The following GCFC2 variants were observed in gnomAD, a reference collection of about 807,000 sequenced individuals.
GCFC2 encodes intron Large complex component GCFC2.
In GCFC2, 102 loss-of-function variants were observed where a neutral mutation model predicts 99.4. The ratio of observed to expected loss-of-function variants is 1.03; its 90% CI spans 0.87 to 1.21. The LOEUF is 1.21. GCFC2 is among the 50% of genes most tolerant of loss of function. The probability of loss-of-function intolerance (pLI) is 0.00; values close to 1 mark genes in which losing one functional copy is unlikely to be tolerated. For missense variants in GCFC2, 973 were observed against 920.9 expected (o/e 1.06, Z -0.73); for synonymous variants, 338 against 316.8 (o/e 1.07, Z -0.71).
chr2:75,680,198 T>G lies in GCFC2; in HGVS notation c.1807A>C (p.Arg603=). ...GCAACTCTAGAAATTATTACCTGTC[T>G]GCTTTTACTAACTTCATTTTCACAA... ...STCENEVSKS[R]QDLLKSIVSR... is the part of the protein sequence containing the mutation. The change falls in exon 12 of 17, where the codon AGA becomes CGA. Residue 603 remains arginine (R), a synonymous_variant. Transcript: ENST00000321027. 6.2e-7 allele frequency: 1 copy of G among 1,601,222 alleles called. No individual in the cohort carries two copies. Among genetic ancestry groups the G allele is most frequent in the Non-Finnish European group, 8.6e-7 (1 of 1,168,886 alleles).
At chr2:75,689,407 CAT>C (rs1679956754) in intron 9 of GCFC2, among the ~76,000 whole-genome samples, 182 bp from the exon 10 acceptor site, 1 of 152,022 alleles carries the variant, frequency 6.6e-6, no homozygotes, top group Admixed American at 6.6e-5. Flanking sequence ...TAGAAGTTAC[CAT>C]ATATACCCCT....
chr2:75,676,498 A>G (rs1245631339), intron 12 of GCFC2, among the ~76,000 whole-genome samples: 1 of 151,646 alleles, frequency 6.6e-6, no homozygotes, highest in Non-Finnish European at 1.5e-5. Context: ...TCTTTCCCAT[A>G]CTATCTTAAG....
chr2:75,673,071 G>C (rs947768437), intron 13 of GCFC2, among the ~76,000 whole-genome samples: 3 of 152,194 alleles, frequency 2.0e-5, no homozygotes, highest in African/African-American at 7.2e-5. Flanking sequence ...AGCACTTTGG[G>C]AGGCCAAGGC....
intron 4 of GCFC2, chr2:75,697,663 A>G (rs1661223626): frequency 6.6e-6 from 1 of 152,260 alleles, no homozygotes; most frequent in South Asian, 2.1e-4. Context: ...ACATGTTCAC[A>G]TTCATGTTCA....
intron 1 of GCFC2, among the ~76,000 whole-genome samples, chr2:75,709,345 T>C (rs6718825): frequency 6.6e-6 from 1 of 151,992 alleles, no homozygotes; most frequent in African/African-American, 2.4e-5. Flanking sequence ...AGAAAACAAA[T>C]ATAAAAGGTC....
At position 75,694,240 on chromosome 2, in the gene GCFC2, C is replaced by A; in HGVS notation, c.1020+1G>T. On this transcript the variant is annotated splice_donor_variant, in intron 6 of 16. Coordinates refer to ENST00000321027, the MANE Select transcript of GCFC2 (RefSeq NM_003203.5). LOFTEE classifies it high-confidence loss of function. ...TGATATAAATAAATATTGATATGTA[C>A]CTTTTCATTAAGGCAGTCAATTAAA... 2 of 803,956 alleles carry A rather than the reference C, an allele frequency of 2.5e-6. No homozygotes were observed. The highest frequency in any genetic ancestry group is 4.4e-5 in the Admixed American group (2 of 45,484). The allele number at this position is 803,956 out of a possible 1,614,324, so 49.8% of individuals were successfully genotyped here.
rs948091309 is a variant in GCFC2 at position 75,663,287 on chromosome 2, C to A, written c.*1379G>T. The A allele has an allele frequency of 2.0e-5, 3 of 152,110 alleles. No individual in the cohort carries two copies. The highest frequency in any genetic ancestry group is 4.4e-5 in the Non-Finnish European group (3 of 67,996). The allele number at this position is 152,110 out of a possible 1,614,324, so 9.4% of individuals were successfully genotyped here. Reference sequence around the variant, plus strand: ...TTTTTTCCAATTATCTTTTGAACAACAATTTGCAAAATATATTTACAGTTT... The same window carrying A: ...TTTTTTCCAATTATCTTTTGAACAAAAATTTGCAAAATATATTTACAGTTT... On this transcript the variant is annotated 3_prime_UTR_variant, in exon 17 of 17. Transcript: ENST00000321027.
rs777245822 is a variant in GCFC2 at position 75,710,674 on chromosome 2, A to C, written c.182T>G (p.Val61Gly). 2.1e-5 allele frequency: 32 copies of C among 1,522,674 alleles called. No homozygotes were observed. In the Admixed American group the frequency reaches 2.4e-4, roughly 11 times the overall value. The allele number at this position is 1,522,674 out of a possible 1,614,324, so 94.3% of individuals were successfully genotyped here. A position where few individuals can be genotyped will look rare whatever the true frequency, so the allele number is the denominator to read the frequency against. ...RAQVAGLPHRVRGPRGRGRVW... is the reference protein window; with the variant it reads ...RAQVAGLPHRGRGPRGRGRVW... ...CCGGCCCCGGCCACGAGGGCCCCGA[A>C]CCCGGTGGGGCAGTCCCGCCACCTG... is the stretch of plus-strand genomic sequence containing the variant. The change falls in exon 1 of 17, where the codon GTT becomes GGT. Residue 61 changes from valine to glycine, a missense_variant. Transcript: ENST00000321027.
chr2:75,691,015 A>G (rs749045655), intron 7 of GCFC2, among the ~76,000 whole-genome samples: 1 of 152,176 alleles, frequency 6.6e-6, no homozygotes, highest in Non-Finnish European at 1.5e-5. Flanking sequence ...ATTCTTTTCC[A>G]GTAGTTTCTA....
intron 6 of GCFC2, among the ~76,000 whole-genome samples, chr2:75,693,056 T>A (rs1199673646): frequency 6.6e-6 from 1 of 152,222 alleles, no homozygotes; most frequent in Non-Finnish European, 1.5e-5. Flanking sequence ...TAATAAATAC[T>A]TCAGAAAGTA....
chr2:75,702,235 G>A lies in GCFC2; in HGVS notation c.583C>T (p.Pro195Ser), dbSNP rs369145120. The A allele has an allele frequency of 1.6e-5, 26 of 1,605,706 alleles. No individual in the cohort carries two copies. Among genetic ancestry groups the A allele is most frequent in the Non-Finnish European group, 2.1e-5 (25 of 1,172,482 alleles). Residue 195 changes from proline to serine, a missense_variant, in exon 3 of 17, where the codon CCT (proline) becomes TCT (serine). By Grantham distance (74) the Pro-to-Ser change is moderately conservative. Transcript: ENST00000321027. ...GCCATCCTTTGTCTAAGTGTTTGAG[G>A]TCTTAGAGTAAATGGTATTCTCTTT... ...HEKRIPFTLR[P>S]QTLRQRMAEE... is the part of the protein sequence containing the mutation.
At position 75,664,203 on chromosome 2, in the gene GCFC2, G is replaced by A. The variant is rs190310296; in HGVS notation, c.*463C>T. 2 of 152,316 alleles carry A rather than the reference G, an allele frequency of 1.3e-5. No homozygotes were observed. Among genetic ancestry groups the A allele is most frequent in the African/African-American group, 4.8e-5 (2 of 41,576 alleles). The allele number at this position is 152,316 out of a possible 1,614,324, so 9.4% of individuals were successfully genotyped here. A position where few individuals can be genotyped will look rare whatever the true frequency, so the allele number is the denominator to read the frequency against. On this transcript the variant is annotated 3_prime_UTR_variant, in exon 17 of 17. Transcript: ENST00000321027. ...ATTTCTGAAGGATAATTTGACAATC[G>A]GCACATGCCTTAATCATTTAATACT...
chr2:75,702,168 T>G, intron 3 of GCFC2, 31 bp downstream of exon 3: 1 of 1,587,956 alleles, frequency 6.3e-7, no homozygotes, highest in Non-Finnish European at 8.6e-7. Flanking sequence ...ATAAAAAATA[T>G]CCTAATCTTC....
chr2:75,668,044 C>T (rs1423177147), intron 15 of GCFC2, among the ~76,000 whole-genome samples: 2 of 152,068 alleles, frequency 1.3e-5, no homozygotes, highest in African/African-American at 4.8e-5. Flanking sequence ...GTAAGTTAAA[C>T]ATTAAAGAGC....
chr2:75,670,175 G>T lies in GCFC2; in HGVS notation c.2066C>A (p.Ala689Asp), dbSNP rs1477093512. 22 of 1,607,986 alleles carry T rather than the reference G, an allele frequency of 1.4e-5. No homozygotes were observed. The highest frequency in any genetic ancestry group is 1.9e-5 in the Non-Finnish European group (22 of 1,174,610). Residue 689 changes from alanine to aspartate, a missense_variant, in exon 15 of 17, where the codon GCC (alanine) becomes GAC (aspartate). Transcript: ENST00000321027. ...NRYLIIALLN[A>D]TPGPDVVKKC... ...TTTAACCACATCTGGCCCAGGTGTG[G>T]CATTGAGAAGTGCTATAATAAGGTA...
At chr2:75,711,552 T>A (rs1681184111), upstream of GCFC2, among the ~76,000 whole-genome samples, 1 of 152,248 alleles carries the variant, frequency 6.6e-6, no homozygotes, top group Non-Finnish European at 1.5e-5. Context: ...TACTATATAA[T>A]GTTGAGCTAC....
At chr2:75,683,514 C>T (rs919987994) in intron 11 of GCFC2, among the ~76,000 whole-genome samples, 3 of 149,366 alleles carry the variant, frequency 2.0e-5, no homozygotes, top group East Asian at 1.9e-4. Context: ...AGACCATCAA[C>T]GCTATGAAGA....
chr2:75,667,440 G>C (rs2104187188), intron 15 of GCFC2, among the ~76,000 whole-genome samples: 1 of 152,204 alleles, frequency 6.6e-6, no homozygotes, highest in African/African-American at 2.4e-5. Flanking sequence ...TAAACGTTCT[G>C]GAATGCGCTC....
At chr2:75,695,846 T>C (rs371251549) in intron 5 of GCFC2, among the ~76,000 whole-genome samples, 1 of 152,220 alleles carries the variant, frequency 6.6e-6, no homozygotes, top group Non-Finnish European at 1.5e-5. Context: ...AAAAGGATGA[T>C]TCTCATCCTG....
Sources: allele counts gnomAD v4.1 joint callset (sites outside exome capture counted in the v4.1 genomes callset), GRCh38; gene constraint gnomAD v4.1.1; transcripts MANE v1.5; gene names NCBI Gene and HGNC (gene_info 2026-07-23, HGNC 2026-07-21).